The following IMMP2L variants were observed in gnomAD, a reference collection of about 807,000 sequenced individuals.
IMMP2L encodes the protein mitochondrial inner membrane protease subunit 2.
Under a neutral mutation model 19.3 loss-of-function variants are expected in IMMP2L, and 18 were observed. The observed-to-expected ratio is 0.93, with a 90% confidence interval of 0.64 to 1.38. The LOEUF (loss-of-function observed/expected upper bound fraction) is 1.38, where lower values mean the gene tolerates loss of function less well. Among genes scored for constraint, IMMP2L ranks in the 40% most tolerant of loss-of-function variants. IMMP2L has a pLI of 0.00. For missense variants in IMMP2L, 233 were observed against 218.2 expected (o/e 1.07, Z -0.43); for synonymous variants, 76 against 73.0 (o/e 1.04, Z -0.21).
intron 4 of IMMP2L, among the ~76,000 whole-genome samples, chr7:110,921,101 T>C (rs1814225976): frequency 6.6e-6 from 1 of 152,230 alleles, no homozygotes; most frequent in Admixed American, 6.5e-5. Flanking sequence ...TGAATAATAT[T>C]TATTTTTGTT....
intron 3 of IMMP2L, chr7:111,124,872 T>C (rs768513471): frequency 1.2e-6 from 2 of 1,602,066 alleles, no homozygotes; most frequent in Non-Finnish European, 8.5e-7. Flanking sequence ...AAGCAACTGT[T>C]ATAGGTTTAC....
intron 4 of IMMP2L, among the ~76,000 whole-genome samples, chr7:110,921,697 T>G (rs1425829425): frequency 2.0e-5 from 3 of 152,164 alleles, no homozygotes; most frequent in Non-Finnish European, 4.4e-5. Context: ...TTTTCATCTA[T>G]TCAGTAATGT....
At chr7:111,477,125 G>A (rs943892865) in intron 3 of IMMP2L, among the ~76,000 whole-genome samples, 4 of 152,096 alleles carry the variant, frequency 2.6e-5, no homozygotes, top group African/African-American at 7.2e-5. Context: ...TACAGATCAC[G>A]TTGTTCAAAC....
chr7:111,123,006 T>A lies in IMMP2L; in HGVS notation c.240-159441A>T, dbSNP rs1800838217. The A allele has an allele frequency of 6.2e-7, 1 of 1,613,958 alleles. No homozygotes were observed. Among genetic ancestry groups the A allele is most frequent in the Non-Finnish European group, 8.5e-7 (1 of 1,179,918 alleles). ...ACACACAGATTCTTCTCCTACAGAC[T>A]AACAATATTGCAAAAATTGAATACT... On this transcript the variant is annotated intron_variant, in intron 3 of 5. Transcript: ENST00000405709. This position sits in a 1 kb window ranked among gnomAD's most constrained non-coding sequence, Gnocchi z 6.4.
intron 3 of IMMP2L, among the ~76,000 whole-genome samples, chr7:111,372,056 G>T (rs1046642939): frequency 6.6e-6 from 1 of 151,922 alleles, no homozygotes; most frequent in Non-Finnish European, 1.5e-5. Context: ...TTTTGTCAAG[G>T]AGAAACAGCC....
At chr7:111,463,033 A>T (rs1252829265) in intron 3 of IMMP2L, among the ~76,000 whole-genome samples, 1 of 152,148 alleles carries the variant, frequency 6.6e-6, no homozygotes, top group Non-Finnish European at 1.5e-5. Flanking sequence ...GAAATCTGAA[A>T]TTGAGGTGCC....
At chr7:111,068,581 T>C (rs2129575122) in intron 3 of IMMP2L, among the ~76,000 whole-genome samples, 1 of 152,282 alleles carries the variant, frequency 6.6e-6, no homozygotes, top group Non-Finnish European at 1.5e-5. Context: ...ACAAAAGAAA[T>C]GCTTTCAAGG....
At chr7:110,956,875 T>C (rs1316218131) in intron 4 of IMMP2L, among the ~76,000 whole-genome samples, 1 of 151,996 alleles carries the variant, frequency 6.6e-6, no homozygotes, top group Non-Finnish European at 1.5e-5. Context: ...TCATTTGTGG[T>C]TGCCTCACAT....
chr7:110,840,005 G>T (rs897691472), intron 5 of IMMP2L, among the ~76,000 whole-genome samples: 7 of 150,198 alleles, frequency 4.7e-5, no homozygotes, highest in African/African-American at 1.8e-4. Context: ...TCTGGCTTTT[G>T]TTTGGAATTA....
At chr7:110,878,518 T>C (rs1220435434) in intron 5 of IMMP2L, among the ~76,000 whole-genome samples, 1 of 151,680 alleles carries the variant, frequency 6.6e-6, no homozygotes, top group Non-Finnish European at 1.5e-5. Flanking sequence ...AAATTTACTT[T>C]TAAATTTTTA....
chr7:111,423,788 A>G (rs1160130256), intron 3 of IMMP2L, among the ~76,000 whole-genome samples: 3 of 151,908 alleles, frequency 2.0e-5, no homozygotes, highest in Non-Finnish European at 4.4e-5. Flanking sequence ...AGCCAGCAGA[A>G]GGCAAGAAAT....
Position 110,803,456 on chromosome 7 carries a change from T to C in IMMP2L, c.408+83137A>G, listed in dbSNP as rs1801398936. 6.6e-6 allele frequency among the ~76,000 whole-genome samples: 1 copy of C among 152,082 alleles called. No homozygotes were observed. The highest frequency in any genetic ancestry group is 1.5e-5 in the Non-Finnish European group (1 of 67,998). On this transcript the variant is annotated intron_variant, in intron 5 of 5. Transcript: ENST00000405709. This position sits in a 1 kb window ranked among gnomAD's most constrained non-coding sequence, Gnocchi z 4.2. ...AGACTCTGAAACAGAATTTAGTGTT[T>C]AAGATGTTTATAGAGAGTAGGAATC... is the stretch of plus-strand genomic sequence containing the variant.
rs994215862 is a variant in IMMP2L, at chr7:111,408,390, T to C, written c.239+78848A>G. Among the ~76,000 whole-genome samples, 7 of 151,810 alleles carry C rather than the reference T, an allele frequency of 4.6e-5. 1 individual carries two copies. The highest frequency in any genetic ancestry group is 6.6e-5 in the Admixed American group (1 of 15,238). Reference sequence around the variant, plus strand: ...CATGATCTAATCTACTGAATCACTATGTTCATACAGACACAGAAATATCAC... The same window carrying C: ...CATGATCTAATCTACTGAATCACTACGTTCATACAGACACAGAAATATCAC... On this transcript the variant is annotated intron_variant, in intron 3 of 5. Coordinates refer to ENST00000405709, the MANE Select transcript of IMMP2L (RefSeq NM_032549.4).
intron 3 of IMMP2L, among the ~76,000 whole-genome samples, chr7:111,274,503 A>G (rs1362199181): frequency 3.9e-5 from 6 of 152,172 alleles, no homozygotes; most frequent in African/African-American, 1.4e-4. Flanking sequence ...GTTTTCTGAT[A>G]GGCTATTGTT....
At chr7:110,687,667 A>T (rs1032554693) in intron 5 of IMMP2L, among the ~76,000 whole-genome samples, 3 of 146,082 alleles carry the variant, frequency 2.1e-5, no homozygotes, top group African/African-American at 7.3e-5. Flanking sequence ...AGAATAAATT[A>T]AAAATGTTAC....
intron 3 of IMMP2L, among the ~76,000 whole-genome samples, chr7:111,196,336 G>T (rs369620231): frequency 6.6e-6 from 1 of 152,016 alleles, no homozygotes; most frequent in South Asian, 2.1e-4. Flanking sequence ...GTTCAGATCG[G>T]GTCATCATTT....
At chr7:111,380,747 T>C (rs905836665) in intron 3 of IMMP2L, among the ~76,000 whole-genome samples, 1 of 152,004 alleles carries the variant, frequency 6.6e-6, no homozygotes, top group Non-Finnish European at 1.5e-5. Context: ...GCACTAAAAC[T>C]AGTCTAAAAT....
intron 1 of IMMP2L, chr7:111,532,581 G>C (rs776886708): frequency 2.0e-5 from 3 of 152,036 alleles, no homozygotes; most frequent in Non-Finnish European, 4.4e-5. Context: ...AAAAGAATCA[G>C]GCCACTAGAC....
chr7:110,728,758 T>C lies in IMMP2L; in HGVS notation c.409-65037A>G, dbSNP rs1584632947. 6.6e-6 allele frequency among the ~76,000 whole-genome samples: 1 copy of C among 152,306 alleles called. No homozygotes were observed. The highest frequency in any genetic ancestry group is 1.5e-5 in the Non-Finnish European group (1 of 68,028). On this transcript the variant is annotated intron_variant, in intron 5 of 5. Transcript: ENST00000405709. This position sits in a 1 kb window ranked among gnomAD's most constrained non-coding sequence, Gnocchi z 4.6. The stretch of plus-strand genomic sequence containing the variant: ...TGCACTGTACTATGGGTTCTGTGCA[T>C]ATTACCTCATTTGTTTCTCACCATA...
Sources: allele counts gnomAD v4.1 joint callset (sites outside exome capture counted in the v4.1 genomes callset), GRCh38; gene constraint gnomAD v4.1.1; non-coding constraint Gnocchi (gnomAD v3.1); transcripts MANE v1.5; gene names NCBI Gene and HGNC (gene_info 2026-07-23, HGNC 2026-07-21).